GSE1: variants seen among roughly 807,000 people sequenced by gnomAD.
GSE1 encodes genetic suppressor element 1.
Under a neutral mutation model 112.6 loss-of-function variants are expected in GSE1, and 32 were observed. That is an observed-to-expected ratio of 0.28 (90% CI 0.21 to 0.38). The LOEUF (loss-of-function observed/expected upper bound fraction) is 0.38. GSE1 is among the 10% of genes least tolerant of loss of function. The pLI is 1.00. For synonymous variants in GSE1, 1,115 were observed against 735.6 expected (o/e 1.52, Z -8.35); for missense variants, 2,348 against 1,699.2 (o/e 1.38, Z -6.71).
intron 2 of GSE1, among the ~76,000 whole-genome samples, chr16:85,480,915 C>A (rs576555870): frequency 2.0e-5 from 3 of 152,232 alleles, no homozygotes; most frequent in Non-Finnish European, 4.4e-5. Context: ...TGAGCAAGCA[C>A]CGGCGGTGCC....
At chr16:85,310,979 A>G (rs111768859) in intron 1 of GSE1, among the ~76,000 whole-genome samples, 10 of 152,314 alleles carry the variant, frequency 6.6e-5, no homozygotes, top group Non-Finnish European at 1.0e-4. Context: ...TCCTTCAGCA[A>G]CCGGCAGGCA....
At chr16:85,323,898 T>G (rs1317678965) in intron 1 of GSE1, among the ~76,000 whole-genome samples, 1 of 152,214 alleles carries the variant, frequency 6.6e-6, no homozygotes, top group Non-Finnish European at 1.5e-5. Context: ...CCACACAGCT[T>G]CCAAGTCCAG....
intron 1 of GSE1, among the ~76,000 whole-genome samples, chr16:85,266,727 T>A (rs1272734141): frequency 6.6e-6 from 1 of 151,416 alleles, no homozygotes; most frequent in Non-Finnish European, 1.5e-5. Context: ...GGGTGGCTGT[T>A]TGCTGGGGGT....
chr16:85,559,928 G>C (rs1359100228), intron 1 of GSE1, among the ~76,000 whole-genome samples: 2 of 152,102 alleles, frequency 1.3e-5, no homozygotes, highest in African/African-American at 4.8e-5. Flanking sequence ...GTTATTGTCT[G>C]GTCCTGGACA....
chr16:85,613,515 C>T, intron 1 of GSE1, 117 bp downstream of exon 1: 3 of 946,622 alleles, frequency 3.2e-6, no homozygotes, highest in East Asian at 6.2e-5. Context: ...GGGCAACTTC[C>T]CCGGAGTGTT....
At chr16:85,665,876 CTTTG>C in intron 12 of GSE1, 96 bp from the exon 13 acceptor site, 1 of 1,162,962 alleles carries the variant, frequency 8.6e-7, no homozygotes, top group Non-Finnish European at 1.3e-6. Flanking sequence ...TGCGCTAGGT[CTTTG>C]TTAAGTGTAA....
At chr16:85,554,503 A>C (rs945234022), upstream of GSE1, among the ~76,000 whole-genome samples, 1 of 152,052 alleles carries the variant, frequency 6.6e-6, no homozygotes, top group Non-Finnish European at 1.5e-5. Flanking sequence ...GCACCAGTGC[A>C]GGGAGAGTGT....
chr16:85,171,378 G>C (rs1324092826), exon 1 of GSE1: 7 of 985,686 alleles, frequency 7.1e-6, no homozygotes, highest in African/African-American at 3.5e-5. Context: ...GCTTGGGCGA[G>C]AAGGAGCCCT....
At chr16:85,665,181 C>T (rs1482527884) in intron 12 of GSE1, 53 bp downstream of exon 12, 15 of 1,111,408 alleles carry the variant, frequency 1.3e-5, no homozygotes, top group African/African-American at 9.2e-5. Context: ...CCATGGGCTG[C>T]CCAGGCTCAG....
chr16:85,448,394 G>A (rs763382127), intron 2 of GSE1, among the ~76,000 whole-genome samples: 11 of 152,206 alleles, frequency 7.2e-5, no homozygotes, highest in South Asian at 2.1e-4. Context: ...GAACGGTGGT[G>A]TTTCAAAAGC....
At chr16:85,579,551 G>T (rs1041361698) in intron 1 of GSE1, among the ~76,000 whole-genome samples, 1 of 152,186 alleles carries the variant, frequency 6.6e-6, no homozygotes, top group Non-Finnish European at 1.5e-5. Flanking sequence ...AGAGGGACGC[G>T]TCCTGGAGAT....
At chr16:85,288,260 A>G (rs946428013) in intron 1 of GSE1, among the ~76,000 whole-genome samples, 1 of 152,082 alleles carries the variant, frequency 6.6e-6, no homozygotes, top group Non-Finnish European at 1.5e-5. Flanking sequence ...AAAAGAAAAG[A>G]AATAAGTACT....
chr16:85,639,299 C>T (rs564486796), intron 2 of GSE1, among the ~76,000 whole-genome samples: 7 of 152,326 alleles, frequency 4.6e-5, no homozygotes, highest in African/African-American at 1.7e-4. Context: ...GGACCTGTCC[C>T]CTCCTCGGAA....
chr16:85,199,405 C>G (rs555865271), intron 1 of GSE1, among the ~76,000 whole-genome samples: 5 of 152,184 alleles, frequency 3.3e-5, no homozygotes, highest in Non-Finnish European at 1.5e-5. Flanking sequence ...CTTCTGTCCA[C>G]TGGTGGGACT....
At chr16:85,306,817 T>C (rs1012630277) in intron 1 of GSE1, among the ~76,000 whole-genome samples, 2 of 152,222 alleles carry the variant, frequency 1.3e-5, no homozygotes, top group African/African-American at 2.4e-5. Flanking sequence ...GAGCGACTTT[T>C]AGGCTGAGCA....
At chr16:85,171,402 C>T (rs113501791) in exon 1 of GSE1, 3 of 985,634 alleles carry the variant, frequency 3.0e-6, no homozygotes, top group African/African-American at 3.5e-5. Flanking sequence ...TCCCCTTCCT[C>T]ACCGTGTACC....
intron 1 of GSE1, among the ~76,000 whole-genome samples, chr16:85,334,126 T>G (rs2046433297): frequency 6.6e-6 from 1 of 152,224 alleles, no homozygotes; most frequent in African/African-American, 2.4e-5. Flanking sequence ...AGCTGTCTTC[T>G]GAGCCCACGC....
At chr16:85,582,635 G>A (rs929189859) in intron 1 of GSE1, among the ~76,000 whole-genome samples, 2 of 152,120 alleles carry the variant, frequency 1.3e-5, no homozygotes, top group African/African-American at 2.4e-5. Context: ...TCCCCCTTAC[G>A]CAGCCGCCTG....
At chr16:85,568,006 C>T (rs140524487) in intron 1 of GSE1, among the ~76,000 whole-genome samples, 1,601 of 152,282 alleles carry the variant, frequency 0.011, 14 homozygotes, top group South Asian at 0.032. Context: ...ATTACAGACA[C>T]GAGCCACTGT....
Sources: gnomAD v4.1 joint callset for allele counts (sites outside exome capture counted in the v4.1 genomes callset) on GRCh38, gnomAD v4.1.1 for gene constraint, MANE v1.5 for transcripts, NCBI Gene and HGNC (gene_info 2026-07-23, HGNC 2026-07-21) for gene names.